Variants in DLGAP3 observed in about 807,000 individuals in gnomAD.
DLGAP3 encodes disks large-associated protein 3.
DLGAP3 carries 17 observed loss-of-function variants against 81.2 expected under a neutral mutation model. The observed-to-expected ratio is 0.21, with a 90% CI of 0.14 to 0.31. DLGAP3 has a LOEUF of 0.31. Ranked by LOEUF, DLGAP3 falls within the 10% of genes least tolerant of loss-of-function variation. DLGAP3 has a pLI of 1.00. For synonymous variants in DLGAP3, 577 were observed against 587.4 expected (o/e 0.98, Z 0.26); for missense variants, 1,124 against 1,388.0 (o/e 0.81, Z 3.02).
intron 11 of DLGAP3, 74 bp from the exon 12 acceptor site, chr1:34,866,375 C>G: frequency 7.7e-7 from 1 of 1,292,646 alleles, no homozygotes; most frequent in Non-Finnish European, 1.0e-6. Flanking sequence ...CCCGCACCCC[C>G]GCGCCCAGAG....
chr1:34,886,670 A>G (rs1038067148), intron 5 of DLGAP3, among the ~76,000 whole-genome samples: 2 of 152,016 alleles, frequency 1.3e-5, no homozygotes. Flanking sequence ...GGGACCTGGC[A>G]TGCACCCTCC....
At position 34,868,215 on chromosome 1, in the gene DLGAP3, A is replaced by T. The variant is rs1004444958; in HGVS notation, c.2485+390T>A. ...TTCTGTGCCTCAGACAGGATCTGAC[A>T]TTGTGAACTGCCTCCCTCTCTGTAA... On this transcript the variant is annotated intron_variant, in intron 9 of 11. Coordinates refer to ENST00000373347, the MANE Select transcript of DLGAP3 (RefSeq NM_001080418.3). This position sits in a 1 kb window ranked among gnomAD's most constrained non-coding sequence, Gnocchi z 7.5. 6.6e-6 allele frequency among the ~76,000 whole-genome samples: 1 copy of T among 152,102 alleles called. No homozygotes were observed. Among genetic ancestry groups the T allele is most frequent in the African/African-American group, 2.4e-5 (1 of 41,426 alleles).
chr1:34,885,938 ACGCTCT>A (rs1639219538), intron 6 of DLGAP3, 128 bp downstream of exon 6: 1 of 1,153,828 alleles, frequency 8.7e-7, no homozygotes, highest in African/African-American at 1.5e-5. Flanking sequence ...ACGCCAACGG[ACGCTCT>A]CCCCGTCATC....
At chr1:34,909,348 C>T (rs1639606919) in intron 1 of DLGAP3, among the ~76,000 whole-genome samples, 1 of 152,204 alleles carries the variant, frequency 6.6e-6, no homozygotes, top group Non-Finnish European at 1.5e-5. Flanking sequence ...TACCCAGATC[C>T]TACAGGGAAG....
At position 34,900,497 on chromosome 1, in the gene DLGAP3, TAG is replaced by T. The variant is rs1408603739; in HGVS notation, c.1108-226_1108-225del. On this transcript the variant is annotated intron_variant, in intron 3 of 11. Coordinates refer to ENST00000373347, the MANE Select transcript of DLGAP3 (RefSeq NM_001080418.3). This position sits in a 1 kb window ranked among gnomAD's most constrained non-coding sequence, Gnocchi z 5.6. ...CTTCTGCACTTAATTAAGGGCCACC[TAG>T]AGAGTCTGAGGGAGTGACATGGCAG... Among the ~76,000 whole-genome samples, 6 of 152,304 alleles carry T rather than the reference TAG, an allele frequency of 3.9e-5. No homozygotes were observed. The East Asian group carries it at 1.2e-3, about 29-fold the overall frequency.
intron 8 of DLGAP3, among the ~76,000 whole-genome samples, chr1:34,872,565 T>C (rs1252922129): frequency 6.6e-6 from 1 of 152,194 alleles, no homozygotes; most frequent in Non-Finnish European, 1.5e-5. Context: ...AGGAATATGT[T>C]ACCTTCCACG....
intron 8 of DLGAP3, among the ~76,000 whole-genome samples, chr1:34,869,916 G>A (rs1424464950): frequency 6.6e-6 from 1 of 152,174 alleles, no homozygotes; most frequent in Non-Finnish European, 1.5e-5. Context: ...TGGACTCAGC[G>A]CTGCTGGGCT....
At chr1:34,928,091 TAAG>T (rs1639900438) in intron 1 of DLGAP3, among the ~76,000 whole-genome samples, 1 of 152,004 alleles carries the variant, frequency 6.6e-6, no homozygotes, top group Non-Finnish European at 1.5e-5. Context: ...GTTGGGGAAA[TAAG>T]AAGAGTTCAG....
intron 8 of DLGAP3, among the ~76,000 whole-genome samples, chr1:34,880,695 AAAG>A (rs748633184): frequency 1.4e-4 from 22 of 152,330 alleles, no homozygotes; most frequent in East Asian, 3.9e-4. Context: ...TCAAAAAAAA[AAAG>A]AAGAAGAAAT....
intron 8 of DLGAP3, among the ~76,000 whole-genome samples, chr1:34,877,013 G>A (rs940774877): frequency 6.6e-6 from 1 of 152,318 alleles, no homozygotes; most frequent in African/African-American, 2.4e-5. Context: ...AATCAAAAAG[G>A]TGTTTTTGCT....
intron 1 of DLGAP3, among the ~76,000 whole-genome samples, chr1:34,916,653 TTTATTTTATTTTATTTTA>T: frequency 8.7e-4 from 1 of 1,154 alleles, no homozygotes; most frequent in East Asian, 0.013. Flanking sequence ...TATTTTTTAT[TTTATTTTATTTTATTTTA>T]TTTTATTTTA....
At chr1:34,885,848 C>T (rs1024096413) in intron 6 of DLGAP3, 57 bp from the exon 7 acceptor site, 3 of 1,349,698 alleles carry the variant, frequency 2.2e-6, no homozygotes, top group African/African-American at 3.0e-5. Context: ...TGCCTGGGTC[C>T]TGGGCCCGCG....
intron 6 of DLGAP3, 103 bp from the exon 7 acceptor site, chr1:34,885,894 T>C (rs1292096172): frequency 1.7e-6 from 2 of 1,179,610 alleles, no homozygotes; most frequent in Non-Finnish European, 2.3e-6. Context: ...TACGGGACCC[T>C]GCAGCGGCGC....
rs150603784 is a variant in DLGAP3 at position 34,906,016 on chromosome 1, TTA to T, written c.-51-584_-51-583del. Among the ~76,000 whole-genome samples the T allele has an allele frequency of 4.2e-3, 272 of 64,802 alleles. 37 individuals are homozygous for T. The highest frequency in any genetic ancestry group is 0.021 in the Middle Eastern group (3 of 144). 42.5% of individuals were successfully genotyped at this position (64,802 alleles called of 152,430 possible). A position where few individuals can be genotyped will look rare whatever the true frequency, so the allele number is the denominator to read the frequency against. On this transcript the variant is annotated intron_variant, in intron 2 of 11. Coordinates refer to ENST00000373347, the MANE Select transcript of DLGAP3 (RefSeq NM_001080418.3). ...ACAGAGCGAGACCTGGCCTCTAAAT[TTA>T]TATATATATATATATTTGTTTGTTT...
rs114341307 is a variant in DLGAP3, at chr1:34,865,727, G to A, written c.*356C>T. ...AAGCCCAGCCCCGCGGGGTGGGGGA[G>A]GGGGGGACGCAGAGCCCAGATGAGG... On this transcript the variant is annotated 3_prime_UTR_variant, in exon 12 of 12. Coordinates refer to ENST00000373347, the MANE Select transcript of DLGAP3 (RefSeq NM_001080418.3). The A allele has an allele frequency of 9.2e-5, 30 of 325,726 alleles. No homozygotes were observed. The highest frequency in any genetic ancestry group is 1.2e-4 in the Non-Finnish European group (21 of 177,646). 20.2% of individuals were successfully genotyped at this position (325,726 alleles called of 1,614,324 possible).
intron 8 of DLGAP3, among the ~76,000 whole-genome samples, chr1:34,882,365 G>A (rs1377064015): frequency 1.3e-5 from 2 of 152,028 alleles, no homozygotes; most frequent in Non-Finnish European, 2.9e-5. Flanking sequence ...GTAATCCCAG[G>A]TACTTGAGAG....
chr1:34,918,312 G>T (rs1639748073), intron 1 of DLGAP3, among the ~76,000 whole-genome samples: 1 of 152,196 alleles, frequency 6.6e-6, no homozygotes, highest in Non-Finnish European at 1.5e-5. Context: ...GTGCCCTGGG[G>T]GTCTATGGGG....
chr1:34,913,292 A>C (rs1239851927), intron 1 of DLGAP3, among the ~76,000 whole-genome samples: 1 of 152,204 alleles, frequency 6.6e-6, no homozygotes, highest in East Asian at 1.9e-4. Flanking sequence ...GGCAGATACA[A>C]GTCTAAATCC....
rs1414802093 is a variant in DLGAP3 at position 34,895,289 on chromosome 1, AC to A, written c.1386+4379del. Among the ~76,000 whole-genome samples, 16 of 151,720 alleles carry A rather than the reference AC, an allele frequency of 1.1e-4. No homozygotes were observed. The highest frequency in any genetic ancestry group is 6.6e-5 in the Admixed American group (1 of 15,218). On this transcript the variant is annotated intron_variant, in intron 5 of 11. Transcript: ENST00000373347. This position sits in a 1 kb window ranked among gnomAD's most constrained non-coding sequence, Gnocchi z 4.5. Reference sequence around the variant, plus strand: ...AGACTGAGGCAGAAGAATGGCGTGAACCCAGGAAGCGGAGCTTGCAGTGAGC... The same window carrying A: ...AGACTGAGGCAGAAGAATGGCGTGAACCAGGAAGCGGAGCTTGCAGTGAGC...
Sources: allele counts gnomAD v4.1 joint callset (sites outside exome capture counted in the v4.1 genomes callset), GRCh38; gene constraint gnomAD v4.1.1; non-coding constraint Gnocchi (gnomAD v3.1); transcripts MANE v1.5; gene names NCBI Gene and HGNC (gene_info 2026-07-23, HGNC 2026-07-21).